Variants in DCAF7 observed in about 807,000 individuals in gnomAD.
The protein encoded by DCAF7 is DDB1- and CUL4-associated factor 7.
In DCAF7, 4 loss-of-function variants were observed where a neutral mutation model predicts 41.2. The observed-to-expected ratio is 0.10, with a 90% CI of 0.05 to 0.22. The LOEUF is 0.22. Among genes scored for constraint, DCAF7 ranks in the 10% least tolerant of loss-of-function variants. DCAF7 has a pLI of 1.00. For synonymous variants in DCAF7, 143 were observed against 164.2 expected (o/e 0.87, Z 0.99); for missense variants, 131 against 443.2 (o/e 0.30, Z 6.32).
chr17:63,556,737 C>T (rs889443159), intron 1 of DCAF7, among the ~76,000 whole-genome samples: 4 of 151,986 alleles, frequency 2.6e-5, no homozygotes, highest in East Asian at 1.9e-4. Flanking sequence ...TGTGGTGGTG[C>T]GTGCCTGTAA....
rs1328151759 is a variant in DCAF7 at position 63,559,409 on chromosome 17, G to GTA, written c.138+8603_138+8604dup. On this transcript the variant is annotated intron_variant, in intron 1 of 6. Coordinates refer to ENST00000614556, the MANE Select transcript of DCAF7 (RefSeq NM_005828.5). The stretch of plus-strand genomic sequence containing the variant: ...TATGTATATATATATGTATATATAT[G>GTA]TATATATATACGTATATATATATGT... Among the ~76,000 whole-genome samples the GTA allele has an allele frequency of 7.3e-4, 63 of 86,346 alleles. 2 individuals carry two copies. Among genetic ancestry groups the GTA allele is most frequent in the African/African-American group, 4.0e-3 (56 of 13,908 alleles). The allele number at this position is 86,346 out of a possible 152,430, so 56.6% of individuals were successfully genotyped here.
In DCAF7 at chr17:63,585,240, C is replaced by T; in HGVS notation, c.768C>T (p.Cys256=). Reference sequence around the variant, plus strand: ...TGATTCTAGATGTCCGGGTTCCCTGCACACCTGTCGCCAGGTTAAACAACC... The same window carrying T: ...TGATTCTAGATGTCCGGGTTCCCTGTACACCTGTCGCCAGGTTAAACAACC... The part of the protein sequence containing the change: ...EVVILDVRVP[C]TPVARLNNHR... The change falls in exon 6 of 7, where the codon TGC becomes TGT. Residue 256 remains cysteine (C), a synonymous_variant. Coordinates refer to ENST00000614556, the MANE Select transcript of DCAF7 (RefSeq NM_005828.5). 4 of 1,613,986 alleles carry T rather than the reference C, an allele frequency of 2.5e-6. No individual in the cohort carries two copies. The highest frequency in any genetic ancestry group is 8.5e-7 in the Non-Finnish European group (1 of 1,179,876).
chr17:63,580,891 G>A (rs1028099444), intron 4 of DCAF7, among the ~76,000 whole-genome samples: 4 of 152,130 alleles, frequency 2.6e-5, no homozygotes, highest in African/African-American at 7.2e-5. Flanking sequence ...TCCTCCTACA[G>A]CCATTGCATG....
intron 1 of DCAF7, among the ~76,000 whole-genome samples, chr17:63,560,170 A>G (rs921630311): frequency 3.3e-5 from 5 of 152,088 alleles, no homozygotes; most frequent in African/African-American, 1.2e-4. Context: ...AGTTTCAGCT[A>G]GATTAGGAAA....
intron 1 of DCAF7, among the ~76,000 whole-genome samples, chr17:63,568,994 T>C (rs1311628199): frequency 6.6e-6 from 1 of 152,190 alleles, no homozygotes; most frequent in Non-Finnish European, 1.5e-5. Flanking sequence ...GTCCAACCAG[T>C]TCAAACACCT....
At chr17:63,579,720 T>C (rs1168562014) in intron 3 of DCAF7, 105 bp from the exon 4 acceptor site, 5 of 992,006 alleles carry the variant, frequency 5.0e-6, no homozygotes, top group Non-Finnish European at 6.0e-6. Context: ...TCTGTAGTCT[T>C]TATGGTATGC....
At chr17:63,584,805 G>A (rs1024945423) in intron 5 of DCAF7, among the ~76,000 whole-genome samples, 1 of 152,172 alleles carries the variant, frequency 6.6e-6, no homozygotes, top group African/African-American at 2.4e-5. Context: ...TCTGTTACTT[G>A]ATTAAAGAGG....
chr17:63,560,462 T>C (rs566457723), intron 1 of DCAF7, among the ~76,000 whole-genome samples: 1 of 152,342 alleles, frequency 6.6e-6, no homozygotes, highest in South Asian at 2.1e-4. Context: ...TGAGCTAGCT[T>C]TTCATATACT....
Position 63,582,110 on chromosome 17 carries a change from G to A in DCAF7, c.529-1392G>A, listed in dbSNP as rs1455852938. Among the ~76,000 whole-genome samples, 3 of 152,192 alleles carry A rather than the reference G, an allele frequency of 2.0e-5. No homozygotes were observed. The East Asian group carries it at 5.8e-4, about 29-fold the overall frequency. The stretch of plus-strand genomic sequence containing the variant: ...GGCTGTGCCTTAAAGCAGCTGTACA[G>A]TACTAGAGAAAGCCTCGATCTGTCA... On this transcript the variant is annotated intron_variant, in intron 4 of 6. Coordinates refer to ENST00000614556, the MANE Select transcript of DCAF7 (RefSeq NM_005828.5).
chr17:63,572,949 G>A (rs1220285053), intron 1 of DCAF7, among the ~76,000 whole-genome samples: 1 of 152,194 alleles, frequency 6.6e-6, no homozygotes, highest in South Asian at 2.1e-4. Context: ...TTTTTGTAGA[G>A]ATGAAGTTTC....
At chr17:63,570,090 T>C (rs765982167) in intron 1 of DCAF7, among the ~76,000 whole-genome samples, 2 of 152,116 alleles carry the variant, frequency 1.3e-5, no homozygotes, top group Admixed American at 6.5e-5. Context: ...CTACAGTGGG[T>C]TAAACATTAC....
chr17:63,588,250 T>A (rs2147779837), intron 6 of DCAF7, among the ~76,000 whole-genome samples: 1 of 148,236 alleles, frequency 6.7e-6, no homozygotes, highest in Non-Finnish European at 1.5e-5. Context: ...TGCGGTGGTA[T>A]GATCTCGGCT....
Position 63,569,910 on chromosome 17 carries a change from G to A in DCAF7, c.139-8560G>A, listed in dbSNP as rs915224564. 5.3e-5 allele frequency among the ~76,000 whole-genome samples: 8 copies of A among 151,952 alleles called. No homozygotes were observed. In the South Asian group the frequency reaches 1.5e-3, roughly 28 times the overall value. ...GTATTTTTTGTAGAGACGGGCTTTC[G>A]CCATGTTGGCCAGGCTGGTCTTGAA... is the stretch of plus-strand genomic sequence containing the variant. On this transcript the variant is annotated intron_variant, in intron 1 of 6. Transcript: ENST00000614556.
chr17:63,584,408 C>T (rs1451843157), intron 5 of DCAF7, among the ~76,000 whole-genome samples: 2 of 151,484 alleles, frequency 1.3e-5, no homozygotes, highest in African/African-American at 4.9e-5. Context: ...GCAGAGGTTG[C>T]AGTGAGCCAA....
chr17:63,589,306 T>C lies in DCAF7; in HGVS notation c.*134T>C. On this transcript the variant is annotated 3_prime_UTR_variant, in exon 7 of 7. Transcript: ENST00000614556. ...CTTTGCACCCACTGTTACCAGAAGC[T>C]GCTCTAGGAGTTCCTGGCCAGTCAC... 2 of 1,248,210 alleles carry C rather than the reference T, an allele frequency of 1.6e-6. No homozygotes were observed. The highest frequency in any genetic ancestry group is 2.3e-6 in the Non-Finnish European group (2 of 880,952). 77.3% of individuals were successfully genotyped at this position (1,248,210 alleles called of 1,614,324 possible).
intron 1 of DCAF7, among the ~76,000 whole-genome samples, chr17:63,566,899 A>G (rs1381124966): frequency 1.3e-5 from 2 of 152,174 alleles, no homozygotes; most frequent in African/African-American, 4.8e-5. Flanking sequence ...GGGTGACAGA[A>G]TGAGACCTTG....
chr17:63,576,303 G>T (rs1006706560), intron 1 of DCAF7, among the ~76,000 whole-genome samples: 3 of 152,142 alleles, frequency 2.0e-5, no homozygotes, highest in Non-Finnish European at 4.4e-5. Context: ...AATTAGCCGG[G>T]CGTAGTGGCA....
chr17:63,566,567 G>A (rs2033444241), intron 1 of DCAF7, among the ~76,000 whole-genome samples: 1 of 152,172 alleles, frequency 6.6e-6, no homozygotes, highest in Non-Finnish European at 1.5e-5. Flanking sequence ...TGCTATAGAA[G>A]AATGAGGGAA....
chr17:63,561,467 C>G (rs2033379751), intron 1 of DCAF7, among the ~76,000 whole-genome samples: 1 of 152,128 alleles, frequency 6.6e-6, no homozygotes, highest in African/African-American at 2.4e-5. Flanking sequence ...CACCTGTAAT[C>G]CCAGCGCTTT....
Sources: gnomAD v4.1 joint callset for allele counts (sites outside exome capture counted in the v4.1 genomes callset) on GRCh38, gnomAD v4.1.1 for gene constraint, MANE v1.5 for transcripts, NCBI Gene and HGNC (gene_info 2026-07-23, HGNC 2026-07-21) for gene names.